The following LARGE1 variants were observed in gnomAD, a reference collection of about 807,000 sequenced individuals.
The protein encoded by LARGE1 is LARGE xylosyl- and glucuronyltransferase 1.
LARGE1 carries 43 observed loss-of-function variants against 87.6 expected under a neutral mutation model. The ratio of observed to expected loss-of-function variants is 0.49; its 90% confidence interval spans 0.38 to 0.63. The LOEUF (loss-of-function observed/expected upper bound fraction) is 0.63. Among genes scored for constraint, LARGE1 ranks in the 30% least tolerant of loss-of-function variants. The pLI is 0.00. For missense variants in LARGE1, 802 were observed against 1,000.2 expected, an observed-to-expected ratio of 0.80 and a Z score of 2.67; for synonymous variants, 434 against 394.6, an observed-to-expected ratio of 1.10 and a Z score of -1.18.
chr22:33,810,163 T>C (rs908307797), intron 1 of LARGE1, among the ~76,000 whole-genome samples: 3 of 152,214 alleles, frequency 2.0e-5, no homozygotes, highest in African/African-American at 4.8e-5. Context: ...CATTATCTCA[T>C]GGAATATGTA....
chr22:33,170,666 G>C (rs1922519214), intron 11 of LARGE1, among the ~76,000 whole-genome samples: 1 of 152,194 alleles, frequency 6.6e-6, no homozygotes, highest in Non-Finnish European at 1.5e-5. Context: ...TGCCATGAGT[G>C]TGAGTTTCCT....
chr22:33,595,308 T>C (rs1246284735), intron 5 of LARGE1, among the ~76,000 whole-genome samples: 2 of 152,084 alleles, frequency 1.3e-5, no homozygotes, highest in African/African-American at 4.8e-5. Flanking sequence ...AAGGAAACAA[T>C]GCTCAGGATG....
chr22:33,585,111 CGTCTCAATAA>C (rs1200673915), intron 5 of LARGE1, among the ~76,000 whole-genome samples: 1 of 152,118 alleles, frequency 6.6e-6, no homozygotes, highest in Non-Finnish European at 1.5e-5. Flanking sequence ...AGCAAGACTT[CGTCTCAATAA>C]AAAACAAACA....
At chr22:33,117,367 T>C in the LARGE1 span, among the ~76,000 whole-genome samples, 2 of 152,098 alleles carry the variant, frequency 1.3e-5, no homozygotes, top group Admixed American at 1.3e-4. Context: ...GAGTAAAGGA[T>C]GTTGGACAAA....
intron 4 of LARGE1, among the ~76,000 whole-genome samples, chr22:33,619,956 T>C (rs1409499551): frequency 2.0e-5 from 3 of 152,174 alleles, no homozygotes; most frequent in Non-Finnish European, 4.4e-5. Context: ...CTCCAAGATG[T>C]AGAGGCACGT....
At chr22:33,534,817 T>C (rs773059522) in intron 6 of LARGE1, among the ~76,000 whole-genome samples, 1 of 152,168 alleles carries the variant, frequency 6.6e-6, no homozygotes. Context: ...GGAGCAAGTC[T>C]CTTCTTCCCC....
intron 6 of LARGE1, among the ~76,000 whole-genome samples, chr22:33,516,828 C>T (rs545532975): frequency 3.3e-5 from 5 of 152,224 alleles, no homozygotes; most frequent in Admixed American, 3.3e-4. Flanking sequence ...TTGTGATGCG[C>T]CCACCTCGGC....
intron 6 of LARGE1, among the ~76,000 whole-genome samples, chr22:33,560,915 C>A (rs1449704909): frequency 6.6e-6 from 1 of 151,834 alleles, no homozygotes; most frequent in Non-Finnish European, 1.5e-5. Context: ...CCCAGGTTCA[C>A]GCCATTCTCC....
chr22:33,311,460 C>T (rs142411787), intron 11 of LARGE1, among the ~76,000 whole-genome samples: 315 of 152,290 alleles, frequency 2.1e-3, no homozygotes, highest in Admixed American at 8.3e-3. Flanking sequence ...ATTCTATAGC[C>T]AGCAGAGAGG....
intron 6 of LARGE1, among the ~76,000 whole-genome samples, chr22:33,557,272 G>C (rs1165950834): frequency 6.6e-6 from 1 of 152,058 alleles, no homozygotes; most frequent in Non-Finnish European, 1.5e-5. Flanking sequence ...ATTCTGCCAG[G>C]GAAAAAAATC....
chr22:33,711,519 G>A (rs1424136522), intron 2 of LARGE1, among the ~76,000 whole-genome samples: 4 of 152,210 alleles, frequency 2.6e-5, no homozygotes, highest in African/African-American at 7.2e-5. Flanking sequence ...GCCCACAGCT[G>A]ACCGATACAT....
At chr22:33,815,149 C>G (rs1316565432) in intron 1 of LARGE1, among the ~76,000 whole-genome samples, 1 of 152,202 alleles carries the variant, frequency 6.6e-6, no homozygotes, top group Non-Finnish European at 1.5e-5. Context: ...CCCAGCCAAA[C>G]TGGTTCTTCT....
intron 2 of LARGE1, among the ~76,000 whole-genome samples, chr22:33,669,352 T>C (rs1021948706): frequency 2.6e-5 from 4 of 152,194 alleles, no homozygotes; most frequent in African/African-American, 9.6e-5. Context: ...ATTACTGTTA[T>C]TATTGGCCAA....
At chr22:33,425,622 G>A (rs940528576) in intron 7 of LARGE1, among the ~76,000 whole-genome samples, 8 of 152,106 alleles carry the variant, frequency 5.3e-5, no homozygotes, top group Non-Finnish European at 1.2e-4. Context: ...TCTTTCAGTG[G>A]GATTATTCTA....
intron 2 of LARGE1, among the ~76,000 whole-genome samples, chr22:33,659,956 A>G (rs576961885): frequency 2.0e-5 from 3 of 152,222 alleles, no homozygotes; most frequent in African/African-American, 7.2e-5. Flanking sequence ...AATTTGCTGT[A>G]CCTATACCTG....
At chr22:33,368,644 G>C (rs1438219199) in intron 9 of LARGE1, among the ~76,000 whole-genome samples, 1 of 151,978 alleles carries the variant, frequency 6.6e-6, no homozygotes, top group Admixed American at 6.6e-5. Context: ...GTGTGTGTGT[G>C]CCTGTTTGTG....
At chr22:33,318,788 G>A (rs1259275246) in intron 10 of LARGE1, among the ~76,000 whole-genome samples, 1 of 149,932 alleles carries the variant, frequency 6.7e-6, no homozygotes, top group African/African-American at 2.5e-5. Context: ...AGGAGGGCTG[G>A]TTCCATTTTT....
intron 9 of LARGE1, among the ~76,000 whole-genome samples, chr22:33,359,752 G>C (rs2064315259): frequency 6.7e-6 from 1 of 148,510 alleles, no homozygotes; most frequent in Admixed American, 6.7e-5. Flanking sequence ...TTTTAGTAGA[G>C]ATGGGGTTTC....
intron 5 of LARGE1, among the ~76,000 whole-genome samples, chr22:33,581,519 A>AG (rs1389864365): frequency 2.6e-5 from 4 of 151,408 alleles, no homozygotes; most frequent in Non-Finnish European, 4.4e-5. Flanking sequence ...CAGTTAGAAG[A>AG]CAGAGAGAAT....
Sources: allele counts gnomAD v4.1 joint callset (sites outside exome capture counted in the v4.1 genomes callset), GRCh38; gene constraint gnomAD v4.1.1; transcripts MANE v1.5; gene names NCBI Gene and HGNC (gene_info 2026-07-23, HGNC 2026-07-21).